The following HTR4 variants were observed in gnomAD, a reference collection of about 807,000 sequenced individuals.
HTR4 encodes 5-hydroxytryptamine receptor 4, also known as 5-hydroxytryptamine (serotonin) receptor 4, G protein-coupled.
HTR4 carries 16 observed loss-of-function variants against 36.8 expected under a neutral mutation model. The observed-to-expected ratio is 0.43, with a 90% confidence interval of 0.29 to 0.66. HTR4 has a LOEUF of 0.66. HTR4 is among the 30% of genes least tolerant of loss of function. The pLI is 0.13. For synonymous variants in HTR4, 189 were observed against 185.1 expected (o/e 1.02, Z -0.17); for missense variants, 438 against 490.9 (o/e 0.89, Z 1.02).
intron 2 of HTR4, among the ~76,000 whole-genome samples, chr5:148,605,439 G>A (rs774123826): frequency 9.3e-5 from 14 of 150,842 alleles, no homozygotes. Context: ...TTGTATTTTT[G>A]TAGAGATGGG....
chr5:148,553,027 C>T (rs181216793), intron 2 of HTR4, among the ~76,000 whole-genome samples: 57 of 152,248 alleles, frequency 3.7e-4, no homozygotes, highest in Admixed American at 1.7e-3. Flanking sequence ...GCTATCTGAG[C>T]GCTGTCATTT....
chr5:148,506,493 C>A lies in HTR4; in HGVS notation c.1076+2963G>T, dbSNP rs536939315. On this transcript the variant is annotated intron_variant, in intron 6 of 6. Transcript: ENST00000377888. ...GACTACATGTCTAAAACACCAAAAA[C>A]AACGGCAACAGAAGCTAAAATTGAC... 7.2e-5 allele frequency among the ~76,000 whole-genome samples: 11 copies of A among 152,302 alleles called. No individual in the cohort carries two copies. In the South Asian group the frequency reaches 2.3e-3, roughly 32 times the overall value.
Position 148,482,012 on chromosome 5 carries a change from C to T in HTR4, c.*1191G>A. On this transcript the variant is annotated 3_prime_UTR_variant, in exon 7 of 7. Coordinates refer to ENST00000377888, the MANE Select transcript of HTR4 (RefSeq NM_000870.7). ...AGAAACAGAAAGAAAACTTAAAGGT[C>T]CTCTAGTCCAAGCTTGAGTGCACAG... 3.0e-6 allele frequency: 3 copies of T among 997,588 alleles called. No individual in the cohort carries two copies. In the South Asian group the frequency reaches 1.4e-4, roughly 45 times the overall value. The allele number at this position is 997,588 out of a possible 1,614,324, so 61.8% of individuals were successfully genotyped here. A position where few individuals can be genotyped will look rare whatever the true frequency, so the allele number is the denominator to read the frequency against.
At chr5:148,516,724 C>T (rs1757777977) in intron 5 of HTR4, among the ~76,000 whole-genome samples, 1 of 151,166 alleles carries the variant, frequency 6.6e-6, no homozygotes, top group Admixed American at 6.6e-5. Context: ...GGTTTTTGGC[C>T]ATTTAGTCTT....
At chr5:148,590,837 C>T (rs762083295) in intron 2 of HTR4, among the ~76,000 whole-genome samples, 19 of 151,788 alleles carry the variant, frequency 1.3e-4, no homozygotes, top group Non-Finnish European at 2.6e-4. Context: ...AGTTTAATTA[C>T]ATACCACTTG....
Position 148,482,875 on chromosome 5 carries a change from C to T in HTR4, c.*328G>A. On this transcript the variant is annotated 3_prime_UTR_variant, in exon 7 of 7. Transcript: ENST00000377888. ...AGATAGGACGCAGCAAGCTATCGTG[C>T]TTAGAACGTGAGTGAGACAGATCAG... The T allele has an allele frequency of 8.4e-7, 1 of 1,197,454 alleles. No individual in the cohort carries two copies. The highest frequency in any genetic ancestry group is 2.3e-5 in the South Asian group (1 of 44,202). 74.2% of individuals were successfully genotyped at this position (1,197,454 alleles called of 1,614,324 possible). A position where few individuals can be genotyped will look rare whatever the true frequency, so the allele number is the denominator to read the frequency against.
chr5:148,550,795 A>T (rs1280481968), intron 2 of HTR4, among the ~76,000 whole-genome samples: 1 of 152,172 alleles, frequency 6.6e-6, no homozygotes, highest in Non-Finnish European at 1.5e-5. Context: ...AGGCATGGGG[A>T]CCAAATAAAG....
intron 2 of HTR4, among the ~76,000 whole-genome samples, chr5:148,563,706 A>G (rs1218654351): frequency 6.6e-6 from 1 of 152,234 alleles, no homozygotes; most frequent in Non-Finnish European, 1.5e-5. Flanking sequence ...ATTATTACGT[A>G]AACAATAGAT....
At chr5:148,570,362 C>G (rs1334200190) in intron 2 of HTR4, among the ~76,000 whole-genome samples, 1 of 152,040 alleles carries the variant, frequency 6.6e-6, no homozygotes, top group Non-Finnish European at 1.5e-5. Flanking sequence ...GACATGAATC[C>G]AATAACTGCA....
downstream of HTR4, among the ~76,000 whole-genome samples, chr5:148,476,172 A>T (rs894563316): frequency 5.9e-5 from 9 of 152,230 alleles, no homozygotes; most frequent in African/African-American, 2.2e-4. Flanking sequence ...CACTGGGTCC[A>T]TTCTACATCT....
rs79749622 is a variant in HTR4 at position 148,466,879 on chromosome 5, T to C, written c.1077-15607A>G. On this transcript the variant is annotated intron_variant, in intron 5 of 5. Transcript: ENST00000521530. ...CTTGTATTTCATTAGCCTGATGATA[T>C]GCCTTGGTATCCTGAACTAACAAAG... Among the ~76,000 whole-genome samples the C allele has an allele frequency of 3.5e-3, 526 of 152,344 alleles. 3 individuals carry two copies. The highest frequency in any genetic ancestry group is 0.011 in the African/African-American group (477 of 41,578).
At chr5:148,507,333 T>C (rs993296130) in intron 6 of HTR4, among the ~76,000 whole-genome samples, 16 of 130,258 alleles carry the variant, frequency 1.2e-4, no homozygotes, top group African/African-American at 3.6e-4. Flanking sequence ...ATAAGAACAT[T>C]TGGACACAGG....
At chr5:148,610,523 C>T (rs1223530119) in intron 2 of HTR4, among the ~76,000 whole-genome samples, 1 of 152,074 alleles carries the variant, frequency 6.6e-6, no homozygotes, top group Non-Finnish European at 1.5e-5. Context: ...AAAAACCCAT[C>T]TGTACATCAC....
At chr5:148,549,688 C>T (rs1759585007) in intron 3 of HTR4, among the ~76,000 whole-genome samples, 1 of 152,178 alleles carries the variant, frequency 6.6e-6, no homozygotes. Context: ...ATGAGACATA[C>T]TAATACCACA....
At chr5:148,618,172 C>G (rs1346662548) in intron 2 of HTR4, among the ~76,000 whole-genome samples, 8 of 152,212 alleles carry the variant, frequency 5.3e-5, no homozygotes, top group Non-Finnish European at 2.9e-5. Flanking sequence ...GGGTCAGGTG[C>G]TCTGAGTGGG....
chr5:148,476,017 C>T (rs1191520869), downstream of HTR4, among the ~76,000 whole-genome samples: 1 of 152,212 alleles, frequency 6.6e-6, no homozygotes, highest in Non-Finnish European at 1.5e-5. Context: ...GACAGTTTCT[C>T]AATTTACAAA....
intron 2 of HTR4, among the ~76,000 whole-genome samples, chr5:148,599,576 G>A (rs1489409765): frequency 1.3e-5 from 2 of 151,318 alleles, no homozygotes; most frequent in Middle Eastern, 3.4e-3. Context: ...AACACTTTAA[G>A]GCAAATAAAA....
At chr5:148,476,925 A>T (rs1482827755), downstream of HTR4, among the ~76,000 whole-genome samples, 18 of 152,200 alleles carry the variant, frequency 1.2e-4, 1 homozygote. Context: ...ACTATGTAAG[A>T]GGTGCCAGGG....
At chr5:148,521,696 G>C (rs1000708423) in intron 5 of HTR4, among the ~76,000 whole-genome samples, 4 of 151,932 alleles carry the variant, frequency 2.6e-5, no homozygotes, top group African/African-American at 9.7e-5. Context: ...CCAATACACA[G>C]GGATCGGAAT....
Sources: gnomAD v4.1 joint callset for allele counts (sites outside exome capture counted in the v4.1 genomes callset) on GRCh38, gnomAD v4.1.1 for gene constraint, MANE v1.5 for transcripts, NCBI Gene and HGNC (gene_info 2026-07-23, HGNC 2026-07-21) for gene names.